ZNF253: variants seen among roughly 807,000 people sequenced by gnomAD.
The protein encoded by ZNF253 is zinc finger protein 253.
In ZNF253, 8 loss-of-function variants were observed where a neutral mutation model predicts 11.9. That is an observed-to-expected ratio of 0.67 (90% confidence interval 0.40 to 1.22). The LOEUF (loss-of-function observed/expected upper bound fraction) is 1.22, where lower values mean the gene tolerates loss of function less well. ZNF253 is among the 50% of genes most tolerant of loss of function. ZNF253 has a pLI of 0.01. For synonymous variants in ZNF253, 194 were observed against 194.9 expected (o/e 1.00, Z 0.04); for missense variants, 485 against 586.9 (o/e 0.83, Z 1.79).
At chr19:19,885,265 T>TTTTGAGATGGAG (rs2063196272) in intron 3 of ZNF253, among the ~76,000 whole-genome samples, 1 of 67,908 alleles carries the variant, frequency 1.5e-5, no homozygotes, top group African/African-American at 1.9e-4. Flanking sequence ...CTTTCTTTCT[T>TTTTGAGATGGAG]TCTTTCTTTC....
At chr19:19,879,931 A>C (rs1354295903) in intron 2 of ZNF253, 120 bp from the exon 3 acceptor site, 7 of 401,172 alleles carry the variant, frequency 1.7e-5, no homozygotes, top group Non-Finnish European at 2.9e-5. Flanking sequence ...TCTGTTATAA[A>C]TTATTATTTT....
chr19:19,885,189 AAGACC>A (rs938335350), intron 3 of ZNF253, among the ~76,000 whole-genome samples: 4 of 151,712 alleles, frequency 2.6e-5, no homozygotes, highest in African/African-American at 4.8e-5. Context: ...AAATGGTGCC[AAGACC>A]AATGTCATGT....
rs1180149068 is a variant in ZNF253 at position 19,894,586 on chromosome 19, C to T, written c.*1839C>T. ...TTTGAATGTCTTTTGGATGGTCTAA[C>T]CTACATTAACATGTATGCGGAACAT... On this transcript the variant is annotated 3_prime_UTR_variant, in exon 4 of 4. Transcript: ENST00000589717. The T allele has an allele frequency of 1.3e-5, 2 of 152,050 alleles. No homozygotes were observed. The highest frequency in any genetic ancestry group is 2.4e-5 in the African/African-American group (1 of 41,402). 9.4% of individuals were successfully genotyped at this position (152,050 alleles called of 1,614,324 possible).
intron 3 of ZNF253, among the ~76,000 whole-genome samples, chr19:19,890,068 A>T (rs531476585): frequency 6.6e-6 from 1 of 152,304 alleles, no homozygotes; most frequent in East Asian, 1.9e-4. Context: ...TTTGAGTGAG[A>T]TTCAGGCATT....
intron 1 of ZNF253, among the ~76,000 whole-genome samples, chr19:19,869,143 G>C (rs1380267748): frequency 6.6e-6 from 1 of 152,182 alleles, no homozygotes. Flanking sequence ...ATTAAATTTA[G>C]CAATGCAGAA....
At chr19:19,888,612 C>G (rs1243462904) in intron 3 of ZNF253, among the ~76,000 whole-genome samples, 1 of 152,112 alleles carries the variant, frequency 6.6e-6, no homozygotes, top group Non-Finnish European at 1.5e-5. Flanking sequence ...TTCATTACAT[C>G]TGCCTTCAAC....
chr19:19,889,399 T>G (rs1303582657), intron 3 of ZNF253, among the ~76,000 whole-genome samples: 2 of 152,118 alleles, frequency 1.3e-5, no homozygotes, highest in East Asian at 3.9e-4. Flanking sequence ...CAGGCTAGAG[T>G]GCAGTGGCAT....
At chr19:19,887,008 A>T (rs1193916683) in intron 3 of ZNF253, among the ~76,000 whole-genome samples, 4 of 152,068 alleles carry the variant, frequency 2.6e-5, no homozygotes. Context: ...ATTTATATAG[A>T]TAGATAAATA....
At position 19,891,567 on chromosome 19, in the gene ZNF253, A is replaced by T. The variant is rs749204590; in HGVS notation, c.320A>T (p.His107Leu). ...GMLRRYEECR[H>L]DNLQLKKGCK... ...CTGAGAAGATATGAAGAATGCAGAC[A>T]TGACAATTTACAGTTAAAAAAAGGC... Residue 107 changes from histidine to leucine, a missense_variant, in exon 4 of 4, where the codon CAT (histidine) becomes CTT (leucine). Transcript: ENST00000589717. 42 of 1,614,020 alleles carry T rather than the reference A, an allele frequency of 2.6e-5. No individual in the cohort carries two copies. The Admixed American group carries it at 6.8e-4, about 26-fold the overall frequency.
intron 3 of ZNF253, among the ~76,000 whole-genome samples, chr19:19,889,155 GCTT>G (rs2063218695): frequency 6.6e-6 from 1 of 151,478 alleles, no homozygotes; most frequent in South Asian, 2.1e-4. Context: ...AGTTTGTTCA[GCTT>G]CTTCATGTTT....
At chr19:19,865,846 G>T (rs2063107936), upstream of ZNF253, 2 of 999,014 alleles carry the variant, frequency 2.0e-6, no homozygotes, top group South Asian at 2.6e-5. Flanking sequence ...CATGGTTTCT[G>T]GGGGCCTTTG....
At chr19:19,866,523 A>T (rs937214795) in intron 1 of ZNF253, among the ~76,000 whole-genome samples, 1 of 139,540 alleles carries the variant, frequency 7.2e-6, no homozygotes, top group Admixed American at 7.4e-5. Context: ...TTTGAGGCGG[A>T]GTTTTGCTCT....
chr19:19,880,273 G>GTTT (rs765915336), intron 3 of ZNF253, 127 bp downstream of exon 3: 738 of 203,682 alleles, frequency 3.6e-3, no homozygotes, highest in South Asian at 7.4e-3. Context: ...CTGGGCAGCT[G>GTTT]TTTTTTTTTT....
intron 3 of ZNF253, among the ~76,000 whole-genome samples, chr19:19,880,719 AAGAG>A (rs1479767485): frequency 5.9e-5 from 9 of 151,868 alleles, no homozygotes; most frequent in Admixed American, 1.3e-4. Context: ...AAAAAAAAAA[AAGAG>A]AGAATGAGAG....
At chr19:19,885,939 T>A (rs1277472101) in intron 3 of ZNF253, among the ~76,000 whole-genome samples, 2 of 152,186 alleles carry the variant, frequency 1.3e-5, no homozygotes, top group Non-Finnish European at 2.9e-5. Context: ...AATTCCTAAT[T>A]TCATTCAGTT....
chr19:19,889,280 T>C (rs1394018955), intron 3 of ZNF253, among the ~76,000 whole-genome samples: 3 of 152,124 alleles, frequency 2.0e-5, no homozygotes, highest in African/African-American at 7.2e-5. Flanking sequence ...ATTTTTCTGA[T>C]CTTCAGTAGT....
chr19:19,877,972 C>G (rs8113694), intron 1 of ZNF253, among the ~76,000 whole-genome samples: 65,682 of 151,954 alleles, frequency 0.43, 18,944 homozygotes, highest in African/African-American at 0.81. Flanking sequence ...TCCATTTACT[C>G]AATGTTTGAC....
chr19:19,878,260 A>G (rs1016150009), intron 1 of ZNF253, among the ~76,000 whole-genome samples: 1 of 152,202 alleles, frequency 6.6e-6, no homozygotes, highest in African/African-American at 2.4e-5. Flanking sequence ...TCTAAAAAAT[A>G]TCATATATAA....
intron 1 of ZNF253, among the ~76,000 whole-genome samples, chr19:19,869,140 T>G (rs1033949775): frequency 3.9e-5 from 6 of 152,192 alleles, no homozygotes; most frequent in African/African-American, 1.4e-4. Flanking sequence ...AGGATTAAAT[T>G]TAGCAATGCA....
Sources: gnomAD v4.1 joint callset for allele counts (sites outside exome capture counted in the v4.1 genomes callset) on GRCh38, gnomAD v4.1.1 for gene constraint, MANE v1.5 for transcripts, NCBI Gene and HGNC (gene_info 2026-07-23, HGNC 2026-07-21) for gene names.